Variants in HPDL observed in about 807,000 individuals in gnomAD.
HPDL encodes the protein 4-hydroxyphenylpyruvate dioxygenase like.
In HPDL, 7 loss-of-function variants were observed where a neutral mutation model predicts 9.8. That is an observed-to-expected ratio of 0.71 (90% CI 0.41 to 1.34). HPDL has a LOEUF of 1.34. Among genes scored for constraint, HPDL ranks in the 40% most tolerant of loss-of-function variants. The pLI is 0.01. For synonymous variants in HPDL, 250 were observed against 228.2 expected (o/e 1.10, Z -0.86); for missense variants, 530 against 495.1 (o/e 1.07, Z -0.67).
rs1373689003 is a variant in HPDL, at chr1:45,327,999, CT to C, written c.852del (p.Ala286HisfsTer29). 7 of 1,613,176 alleles carry C rather than the reference CT, an allele frequency of 4.3e-6. No homozygotes were observed. The highest frequency in any genetic ancestry group is 5.9e-6 in the Non-Finnish European group (7 of 1,179,336). On this transcript the variant is annotated frameshift_variant, in exon 1 of 1. Coordinates refer to ENST00000334815, the MANE Select transcript of HPDL (RefSeq NM_032756.4). LOFTEE classifies it high-confidence loss of function. The surrounding 1 kb of genome is among the most constrained non-coding windows in gnomAD (Gnocchi z 6.3). Reference sequence around the variant, plus strand: ...GCTGGAGGCCAGTTCCTGGCTCCCCCTGGGGCATACTACCAGCAGCCAGGAA... The same window carrying C: ...GCTGGAGGCCAGTTCCTGGCTCCCCCGGGGCATACTACCAGCAGCCAGGAA... ...ATAGGQFLAP[P>X]GAYYQQPGKE...
In HPDL at chr1:45,327,410, G is replaced by C; in HGVS notation, c.262G>C (p.Ala88Pro). The C allele has an allele frequency of 6.3e-7, 1 of 1,584,274 alleles. No homozygotes were observed. The highest frequency in any genetic ancestry group is 8.5e-7 in the Non-Finnish European group (1 of 1,170,870). The part of the protein sequence containing the change: ...ATNLCFDVAD[A>P]GAATRELAAL... ...AAACCTGTGCTTCGACGTGGCGGAC[G>C]CCGGCGCTGCAACCCGGGAGCTGGC... Residue 88 changes from alanine (A) to proline (P), a missense_variant, in exon 1 of 1, where the codon GCC becomes CCC. By Grantham distance (27) the Ala-to-Pro change is conservative. Transcript: ENST00000334815. The surrounding 1 kb of genome is among the most constrained non-coding windows in gnomAD (Gnocchi z 6.3).
In HPDL at chr1:45,327,802, G is replaced by C; in HGVS notation, c.654G>C (p.Gln218His). The change falls in exon 1 of 1, where the codon CAG (glutamine) becomes CAC (histidine). Residue 218 changes from glutamine (Q) to histidine (H), a missense_variant. Gln to His is a conservative substitution (Grantham distance 24). Coordinates refer to ENST00000334815, the MANE Select transcript of HPDL (RefSeq NM_032756.4). The surrounding 1 kb of genome is among the most constrained non-coding windows in gnomAD (Gnocchi z 6.3). ...GLGGLRLTALQAQPGSIVPTL... is the reference protein window; with the variant it reads ...GLGGLRLTALHAQPGSIVPTL... ...GGGGACTGAGGCTTACAGCCCTGCA[G>C]GCCCAGCCGGGCAGCATTGTCCCCA... The C allele has an allele frequency of 6.3e-7, 1 of 1,590,460 alleles. No homozygotes were observed. Among genetic ancestry groups the C allele is most frequent in the Non-Finnish European group, 8.6e-7 (1 of 1,166,982 alleles).
chr1:45,326,913 C>A lies in HPDL; in HGVS notation c.-236C>A, dbSNP rs1239289895. ...GGTTCTCACAACCAGCAGCTCGGCT[C>A]ACTGAGACCCGGTGGTCCAGACGCT... On this transcript the variant is annotated 5_prime_UTR_variant, in exon 1 of 1. Coordinates refer to ENST00000334815, the MANE Select transcript of HPDL (RefSeq NM_032756.4). 3 of 433,976 alleles carry A rather than the reference C, an allele frequency of 6.9e-6. No individual in the cohort carries two copies. Among genetic ancestry groups the A allele is most frequent in the Non-Finnish European group, 1.2e-5 (3 of 248,396 alleles). 26.9% of individuals were successfully genotyped at this position (433,976 alleles called of 1,614,324 possible). A position where few individuals can be genotyped will look rare whatever the true frequency, so the allele number is the denominator to read the frequency against.
rs1396014000 is a variant in HPDL at position 45,327,817 on chromosome 1, C to T, written c.669C>T (p.Ser223=). The T allele has an allele frequency of 1.3e-6, 2 of 1,576,036 alleles. No individual in the cohort carries two copies. Among genetic ancestry groups the T allele is most frequent in the South Asian group, 2.3e-5 (2 of 85,804 alleles). ...RLTALQAQPG[S]IVPTLVLAES... ...CAGCCCTGCAGGCCCAGCCGGGCAGCATTGTCCCCACTCTTGTTCTGGCTG... is the reference window on the plus strand; with the variant it reads ...CAGCCCTGCAGGCCCAGCCGGGCAGTATTGTCCCCACTCTTGTTCTGGCTG... The change falls in exon 1 of 1, where the codon AGC becomes AGT. Residue 223 remains serine, a synonymous_variant. Transcript: ENST00000334815. The surrounding 1 kb of genome is among the most constrained non-coding windows in gnomAD (Gnocchi z 6.3).
In HPDL at chr1:45,327,044, G is replaced by T. The variant is rs543416386; in HGVS notation, c.-105G>T. ...GGAACGCGCTCTGCGGGGTGAGCCG[G>T]ACTCCCCAACTCCGGACGATCAGCC... On this transcript the variant is annotated 5_prime_UTR_variant, in exon 1 of 1. Transcript: ENST00000334815. This position sits in a 1 kb window ranked among gnomAD's most constrained non-coding sequence, Gnocchi z 6.3. The T allele has an allele frequency of 1.9e-4, 228 of 1,191,656 alleles. No homozygotes were observed. The African/African-American group carries it at 3.0e-3, about 16-fold the overall frequency. 73.8% of individuals were successfully genotyped at this position (1,191,656 alleles called of 1,614,324 possible).
chr1:45,326,970 C>A lies in HPDL; in HGVS notation c.-179C>A, dbSNP rs560916187. ...GGCTGGGGTGGCGCTGCAGGGAGAA[C>A]CGCGAGCTCTCAGGGGTCGGCGGGT... On this transcript the variant is annotated 5_prime_UTR_variant, in exon 1 of 1. Transcript: ENST00000334815. The A allele has an allele frequency of 1.9e-5, 11 of 585,466 alleles. No homozygotes were observed. In the South Asian group the frequency reaches 4.1e-4, roughly 22 times the overall value. 36.3% of individuals were successfully genotyped at this position (585,466 alleles called of 1,614,324 possible).
chr1:45,327,491 G>T lies in HPDL; in HGVS notation c.343G>T (p.Ala115Ser). Residue 115 changes from alanine to serine, a missense_variant, in exon 1 of 1, where the codon GCC becomes TCC. By Grantham distance (99) the Ala-to-Ser change is moderately conservative. Coordinates refer to ENST00000334815, the MANE Select transcript of HPDL (RefSeq NM_032756.4). The surrounding 1 kb of genome is among the most constrained non-coding windows in gnomAD (Gnocchi z 6.3). ...CGTTCGCGTGCGGGACGCGCAGGGT[G>T]CCGCCACTTACGCCGTGGTCAGCTC... ...PPVRVRDAQG[A>S]ATYAVVSSPA... is the part of the protein sequence containing the mutation. 8.8e-6 allele frequency: 14 copies of T among 1,596,844 alleles called. No individual in the cohort carries two copies. Among genetic ancestry groups the T allele is most frequent in the Non-Finnish European group, 1.2e-5 (14 of 1,177,518 alleles).
chr1:45,327,024 G>A lies in HPDL; in HGVS notation c.-125G>A. The A allele has an allele frequency of 4.1e-6, 4 of 974,560 alleles. No homozygotes were observed. Among genetic ancestry groups the A allele is most frequent in the Non-Finnish European group, 5.6e-6 (4 of 712,620 alleles). 60.4% of individuals were successfully genotyped at this position (974,560 alleles called of 1,614,324 possible). A position where few individuals can be genotyped will look rare whatever the true frequency, so the allele number is the denominator to read the frequency against. On this transcript the variant is annotated 5_prime_UTR_variant, in exon 1 of 1. Coordinates refer to ENST00000334815, the MANE Select transcript of HPDL (RefSeq NM_032756.4). This position sits in a 1 kb window ranked among gnomAD's most constrained non-coding sequence, Gnocchi z 6.3. ...TTCTTTCCGGAAGAAAGCGAGGAACGCGCTCTGCGGGGTGAGCCGGACTCC... is the reference window on the plus strand; with the variant it reads ...TTCTTTCCGGAAGAAAGCGAGGAACACGCTCTGCGGGGTGAGCCGGACTCC...
rs1271272599 is a variant in HPDL, at chr1:45,327,125, G to C, written c.-24G>C. On this transcript the variant is annotated 5_prime_UTR_variant, in exon 1 of 1. Coordinates refer to ENST00000334815, the MANE Select transcript of HPDL (RefSeq NM_032756.4). The surrounding 1 kb of genome is among the most constrained non-coding windows in gnomAD (Gnocchi z 6.3). The stretch of plus-strand genomic sequence containing the variant: ...CAAGTAAGCGGCCCCAGAAGGACAA[G>C]TCTAGGTCGCCGTCCAGAGCGCCAT... 3 of 1,534,308 alleles carry C rather than the reference G, an allele frequency of 2.0e-6. No homozygotes were observed. Among genetic ancestry groups the C allele is most frequent in the African/African-American group, 1.4e-5 (1 of 72,542 alleles).
chr1:45,327,080 A>AGCCC lies in HPDL; in HGVS notation c.-68_-65dup. 2 of 1,468,038 alleles carry AGCCC rather than the reference A, an allele frequency of 1.4e-6. No homozygotes were observed. The highest frequency in any genetic ancestry group is 1.8e-6 in the Non-Finnish European group (2 of 1,102,678). 90.9% of individuals were successfully genotyped at this position (1,468,038 alleles called of 1,614,324 possible). On this transcript the variant is annotated 5_prime_UTR_variant, in exon 1 of 1. Coordinates refer to ENST00000334815, the MANE Select transcript of HPDL (RefSeq NM_032756.4). The surrounding 1 kb of genome is among the most constrained non-coding windows in gnomAD (Gnocchi z 6.3). ...TCCGGACGATCAGCCCAGGACTGAG[A>AGCCC]GCCCCGAAGTCCCCAACCACAAGTA...
Position 45,328,212 on chromosome 1 carries a change from G to C in HPDL, c.1064G>C (p.Arg355Thr). The C allele has an allele frequency of 6.2e-7, 1 of 1,614,256 alleles. No individual in the cohort carries two copies. Among genetic ancestry groups the C allele is most frequent in the Non-Finnish European group, 8.5e-7 (1 of 1,180,056 alleles). The change falls in exon 1 of 1, where the codon AGA becomes ACA. Residue 355 changes from arginine (R) to threonine (T), a missense_variant. Physicochemically the swap from Arg to Thr is moderately conservative, Grantham distance 71. Coordinates refer to ENST00000334815, the MANE Select transcript of HPDL (RefSeq NM_032756.4). ...GATGFGQGNIRALWQSVQEQS... is the reference protein window; with the variant it reads ...GATGFGQGNITALWQSVQEQS... ...ACTGGCTTTGGTCAGGGCAACATCA[G>C]AGCTCTGTGGCAGTCCGTACAGGAG...
Position 45,327,658 on chromosome 1 carries a change from C to T in HPDL, c.510C>T (p.Pro170=). 5 of 1,611,310 alleles carry T rather than the reference C, an allele frequency of 3.1e-6. No individual in the cohort carries two copies. The highest frequency in any genetic ancestry group is 4.2e-6 in the Non-Finnish European group (5 of 1,178,552). Residue 170 remains proline, a synonymous_variant, in exon 1 of 1, where the codon CCC becomes CCT. Coordinates refer to ENST00000334815, the MANE Select transcript of HPDL (RefSeq NM_032756.4). The surrounding 1 kb of genome is among the most constrained non-coding windows in gnomAD (Gnocchi z 6.3). The part of the protein sequence containing the change: ...RVDHLTLACT[P]GSSPTLLRWF... ...ACCACCTGACCTTGGCCTGCACCCC[C>T]GGCAGCTCCCCCACACTTTTGCGCT...
Position 45,327,499 on chromosome 1 carries a change from T to A in HPDL, c.351T>A (p.Thr117=). ...VRVRDAQGAA[T]YAVVSSPAGI... is the part of the protein sequence containing the mutation. ...TGCGGGACGCGCAGGGTGCCGCCAC[T>A]TACGCCGTGGTCAGCTCGCCTGCCG... The change falls in exon 1 of 1, where the codon ACT becomes ACA. Residue 117 remains threonine, a synonymous_variant. Transcript: ENST00000334815. The surrounding 1 kb of genome is among the most constrained non-coding windows in gnomAD (Gnocchi z 6.3). 6.3e-7 allele frequency: 1 copy of A among 1,599,290 alleles called. No individual in the cohort carries two copies.
In HPDL at chr1:45,328,023, G is replaced by A. The variant is rs111452832; in HGVS notation, c.875G>A (p.Gly292Glu). Residue 292 changes from glycine (G) to glutamate (E), a missense_variant, in exon 1 of 1, where the codon GGA (glycine) becomes GAA (glutamate). By Grantham distance (98) the Gly-to-Glu change is moderately conservative. Transcript: ENST00000334815. ...APPGAYYQQPGKERQIRAAGH... is the reference protein window; with the variant it reads ...APPGAYYQQPEKERQIRAAGH... Reference sequence around the variant, plus strand: ...CCTGGGGCATACTACCAGCAGCCAGGAAAGGAGAGGCAGATCCGAGCTGCA... The same window carrying A: ...CCTGGGGCATACTACCAGCAGCCAGAAAAGGAGAGGCAGATCCGAGCTGCA... 45 of 1,614,038 alleles carry A rather than the reference G, an allele frequency of 2.8e-5. 1 individual carries two copies. The Middle Eastern group carries it at 6.6e-4, about 24-fold the overall frequency.
rs1431442714 is a variant in HPDL at position 45,328,313 on chromosome 1, CCAG to C, written c.*52_*54del. The C allele has an allele frequency of 6.3e-7, 1 of 1,584,088 alleles. No individual in the cohort carries two copies. The highest frequency in any genetic ancestry group is 8.6e-7 in the Non-Finnish European group (1 of 1,162,006). On this transcript the variant is annotated 3_prime_UTR_variant, in exon 1 of 1. Coordinates refer to ENST00000334815, the MANE Select transcript of HPDL (RefSeq NM_032756.4). ...CAGCTGTCCTGCAGCTCTGGGGAGA[CCAG>C]CACAGAACTGAGGAACATCTGCAGG... is the stretch of plus-strand genomic sequence containing the variant.
Position 45,327,051 on chromosome 1 carries a change from C to A in HPDL, c.-98C>A. The A allele has an allele frequency of 7.7e-7, 1 of 1,293,136 alleles. No individual in the cohort carries two copies. The highest frequency in any genetic ancestry group is 2.0e-4 in the Middle Eastern group (1 of 5,042). The allele number at this position is 1,293,136 out of a possible 1,614,324, so 80.1% of individuals were successfully genotyped here. A position where few individuals can be genotyped will look rare whatever the true frequency, so the allele number is the denominator to read the frequency against. On this transcript the variant is annotated 5_prime_UTR_variant, in exon 1 of 1. Transcript: ENST00000334815. This position sits in a 1 kb window ranked among gnomAD's most constrained non-coding sequence, Gnocchi z 6.3. ...GCTCTGCGGGGTGAGCCGGACTCCC[C>A]AACTCCGGACGATCAGCCCAGGACT...
At position 45,327,742 on chromosome 1, in the gene HPDL, G is replaced by A; in HGVS notation, c.594G>A (p.Glu198=). 4.3e-6 allele frequency: 7 copies of A among 1,612,836 alleles called. No individual in the cohort carries two copies. Among genetic ancestry groups the A allele is most frequent in the South Asian group, 1.1e-5 (1 of 90,914 alleles). Residue 198 remains glutamate (E), a synonymous_variant, in exon 1 of 1, where the codon GAG becomes GAA. Transcript: ENST00000334815. This position sits in a 1 kb window ranked among gnomAD's most constrained non-coding sequence, Gnocchi z 6.3. The part of the protein sequence containing the change: ...HLPLSPGEDP[E]LGLEMTAGFG... ...CGCTGAGCCCAGGTGAGGATCCCGAGCTGGGCCTCGAAATGACAGCAGGGT... is the reference window on the plus strand; with the variant it reads ...CGCTGAGCCCAGGTGAGGATCCCGAACTGGGCCTCGAAATGACAGCAGGGT...
chr1:45,327,000 T>C lies in HPDL; in HGVS notation c.-149T>C. ...AGCTCTCAGGGGTCGGCGGGTGACT[T>C]CTTTCCGGAAGAAAGCGAGGAACGC... On this transcript the variant is annotated 5_prime_UTR_variant, in exon 1 of 1. Transcript: ENST00000334815. The C allele has an allele frequency of 1.2e-6, 1 of 824,134 alleles. No individual in the cohort carries two copies. The highest frequency in any genetic ancestry group is 1.7e-6 in the Non-Finnish European group (1 of 580,618). 51.1% of individuals were successfully genotyped at this position (824,134 alleles called of 1,614,324 possible).
At position 45,327,207 on chromosome 1, in the gene HPDL, C is replaced by G. The variant is rs1471386189; in HGVS notation, c.59C>G (p.Pro20Arg). ...GCCTTCCACGTGCCCGCCGGGCAGCCCCTAGCCCGGAACCTGCAGCGCCTC... is the reference window on the plus strand; with the variant it reads ...GCCTTCCACGTGCCCGCCGGGCAGCGCCTAGCCCGGAACCTGCAGCGCCTC... ...HIAFHVPAGQPLARNLQRLFG... is the reference protein window; with the variant it reads ...HIAFHVPAGQRLARNLQRLFG... Residue 20 changes from proline to arginine, a missense_variant, in exon 1 of 1, where the codon CCC (proline) becomes CGC (arginine). Pro to Arg is a moderately radical substitution (Grantham distance 103). Coordinates refer to ENST00000334815, the MANE Select transcript of HPDL (RefSeq NM_032756.4). The surrounding 1 kb of genome is among the most constrained non-coding windows in gnomAD (Gnocchi z 6.3). 6.2e-7 allele frequency: 1 copy of G among 1,600,910 alleles called. No homozygotes were observed. The highest frequency in any genetic ancestry group is 1.3e-5 in the African/African-American group (1 of 74,780).
Sources: gnomAD v4.1 joint callset for allele counts on GRCh38, gnomAD v4.1.1 for gene constraint, Gnocchi (gnomAD v3.1) non-coding constraint, MANE v1.5 for transcripts, NCBI Gene and HGNC (gene_info 2026-07-23, HGNC 2026-07-21) for gene names.